The following BICC1 variants were observed in gnomAD, a reference collection of about 807,000 sequenced individuals.
The protein encoded by BICC1 is protein bicaudal C homolog 1.
A neutral mutation model predicts 111.0 loss-of-function variants in BICC1; 43 were observed. The observed-to-expected ratio is 0.39, with a 90% CI of 0.30 to 0.50. The LOEUF is 0.50. BICC1 is among the 20% of genes least tolerant of loss of function. The pLI is 0.88. For synonymous variants in BICC1, 467 were observed against 434.4 expected, an observed-to-expected ratio of 1.07 and a Z score of -0.93; for missense variants, 1,091 against 1,203.2, an observed-to-expected ratio of 0.91 and a Z score of 1.38.
chr10:58,691,579 A>G (rs1839908915), intron 2 of BICC1, among the ~76,000 whole-genome samples: 1 of 152,146 alleles, frequency 6.6e-6, no homozygotes, highest in Admixed American at 6.5e-5. Flanking sequence ...TTGCATAAGG[A>G]AAATAGGTGC....
intron 3 of BICC1, among the ~76,000 whole-genome samples, chr10:58,750,087 G>A (rs1286698591): frequency 1.3e-5 from 2 of 152,092 alleles, no homozygotes; most frequent in East Asian, 3.9e-4. Context: ...GCAGTGTGAG[G>A]ATAATGAGTC....
At chr10:58,629,701 A>T (rs1837735767) in intron 2 of BICC1, among the ~76,000 whole-genome samples, 1 of 152,116 alleles carries the variant, frequency 6.6e-6, no homozygotes, top group African/African-American at 2.4e-5. Context: ...CATCTAGGAG[A>T]TTTACAGTAA....
intron 3 of BICC1, among the ~76,000 whole-genome samples, chr10:58,775,192 G>T (rs190206686): frequency 7.0e-4 from 107 of 152,178 alleles, no homozygotes; most frequent in African/African-American, 2.4e-3. Context: ...GGCCAACATG[G>T]AGAAACTGCA....
rs117140237 is a variant in BICC1 at position 58,821,255 on chromosome 10, T to C, written c.2794+787T>C. On this transcript the variant is annotated intron_variant, in intron 20 of 20. Coordinates refer to ENST00000373886, the MANE Select transcript of BICC1 (RefSeq NM_001080512.3). ...GCCAATAAAGTTCTTGAATGTCAAGTTTATATGTGTCCCAGTCTCAGAAAG... is the reference window on the plus strand; with the variant it reads ...GCCAATAAAGTTCTTGAATGTCAAGCTTATATGTGTCCCAGTCTCAGAAAG... 6.9e-4 allele frequency among the ~76,000 whole-genome samples: 105 copies of C among 152,202 alleles called. 1 individual carries two copies. In the East Asian group the frequency reaches 0.015, roughly 22 times the overall value.
At chr10:58,586,530 TG>T (rs1291444039) in intron 1 of BICC1, among the ~76,000 whole-genome samples, 3 of 89,946 alleles carry the variant, frequency 3.3e-5, no homozygotes, top group Non-Finnish European at 6.6e-5. Context: ...GAACCGGGGT[TG>T]GGGGCGGGGG....
chr10:58,620,725 G>A, intron 1 of BICC1, 130 bp from the exon 2 acceptor site: 1 of 723,050 alleles, frequency 1.4e-6, no homozygotes, highest in South Asian at 1.8e-5. Context: ...AGGCATATTA[G>A]CAGGCACTGA....
At chr10:58,781,841 A>G (rs1842892300) in intron 3 of BICC1, among the ~76,000 whole-genome samples, 1 of 152,236 alleles carries the variant, frequency 6.6e-6, no homozygotes, top group Admixed American at 6.5e-5. Context: ...CTTTTAAGCA[A>G]GAGCCAAAAA....
chr10:58,625,839 G>C (rs967679711), intron 2 of BICC1, among the ~76,000 whole-genome samples: 1 of 152,094 alleles, frequency 6.6e-6, no homozygotes, highest in Non-Finnish European at 1.5e-5. Flanking sequence ...TTATTGAGGG[G>C]CAGCAGAGTT....
chr10:58,785,589 A>G (rs1842989057), intron 4 of BICC1, among the ~76,000 whole-genome samples: 2 of 152,088 alleles, frequency 1.3e-5, no homozygotes, highest in Non-Finnish European at 2.9e-5. Context: ...AAGTATATGT[A>G]TAGAGAGAGA....
intron 3 of BICC1, chr10:58,716,037 G>T: frequency 7.0e-7 from 1 of 1,426,564 alleles, no homozygotes; most frequent in South Asian, 1.2e-5. Context: ...AAAAGAAAAA[G>T]AAGTCAAAAG....
At chr10:58,690,153 C>T (rs1284803710) in intron 2 of BICC1, among the ~76,000 whole-genome samples, 3 of 152,176 alleles carry the variant, frequency 2.0e-5, no homozygotes, top group Admixed American at 1.3e-4. Context: ...CACACACCCC[C>T]TTCCTTAATC....
Position 58,789,719 on chromosome 10 carries a change from G to A in BICC1, c.833G>A (p.Ser278Asn). 6.2e-7 allele frequency: 1 copy of A among 1,614,118 alleles called. No individual in the cohort carries two copies. Among genetic ancestry groups the A allele is most frequent in the Admixed American group, 1.7e-5 (1 of 60,026 alleles). Residue 278 changes from serine to asparagine, a missense_variant, in exon 8 of 21, where the codon AGC becomes AAC. Physicochemically the swap from Ser to Asn is conservative, Grantham distance 46. Around this residue, in one of 3 missense-constraint regions of BICC1, gnomAD observed 843 missense variants for 900.8 expected, o/e 0.94. Coordinates refer to ENST00000373886, the MANE Select transcript of BICC1 (RefSeq NM_001080512.3). ...ATGCTGTTAGAACATCTTGCTGGGA[G>A]CTTAGCATCAGCTATTCCTGTGAGC... ...TAMLLEHLAGSLASAIPVSTQ... is the reference protein window; with the variant it reads ...TAMLLEHLAGNLASAIPVSTQ...
intron 1 of BICC1, among the ~76,000 whole-genome samples, chr10:58,528,626 T>C (rs1842605533): frequency 6.6e-6 from 1 of 151,912 alleles, no homozygotes. Context: ...TATTTTGAGT[T>C]AGAGGGAAAT....
intron 2 of BICC1, among the ~76,000 whole-genome samples, chr10:58,684,678 A>G (rs1345907291): frequency 1.3e-5 from 2 of 152,196 alleles, no homozygotes; most frequent in East Asian, 1.9e-4. Context: ...TGTTTATAGT[A>G]TTCTCTGATG....
At chr10:58,789,072 C>T (rs1437955698) in intron 6 of BICC1, among the ~76,000 whole-genome samples, 190 bp from the exon 7 acceptor site, 2 of 150,710 alleles carry the variant, frequency 1.3e-5, no homozygotes, top group Non-Finnish European at 1.5e-5. Flanking sequence ...GCCTGGGTGA[C>T]GGAGCAAGAC....
intron 1 of BICC1, among the ~76,000 whole-genome samples, chr10:58,535,656 A>G (rs73296601): frequency 0.026 from 3,875 of 151,862 alleles, 177 homozygotes; most frequent in African/African-American, 0.089. Context: ...CACGGCTTAT[A>G]AAACAATAAC....
intron 1 of BICC1, among the ~76,000 whole-genome samples, chr10:58,615,853 G>A (rs35444831): frequency 0.23 from 34,282 of 152,042 alleles, 4,223 homozygotes; most frequent in African/African-American, 0.33. Context: ...GGTCCCCCAC[G>A]AGCATGGAAG....
intron 1 of BICC1, among the ~76,000 whole-genome samples, chr10:58,598,545 A>G (rs1284442133): frequency 1.3e-5 from 2 of 152,222 alleles, no homozygotes; most frequent in African/African-American, 4.8e-5. Flanking sequence ...ACCTAGGACC[A>G]TAAAAATCCT....
chr10:58,820,699 C>A (rs186331550), intron 20 of BICC1, among the ~76,000 whole-genome samples: 185 of 152,206 alleles, frequency 1.2e-3, no homozygotes, highest in African/African-American at 4.2e-3. Flanking sequence ...GAAAATAGAT[C>A]TCTTCAGAAA....
Sources: allele counts gnomAD v4.1 joint callset (sites outside exome capture counted in the v4.1 genomes callset), GRCh38; gene constraint gnomAD v4.1.1; regional missense constraint gnomAD v4.1.1; transcripts MANE v1.5; gene names NCBI Gene and HGNC (gene_info 2026-07-23, HGNC 2026-07-21).